The following MELK variants were observed in gnomAD, a reference collection of about 807,000 sequenced individuals.
MELK encodes the protein maternal embryonic leucine zipper kinase.
In MELK, 81 loss-of-function variants were observed where a neutral mutation model predicts 85.0. The observed-to-expected ratio is 0.95, with a 90% CI of 0.80 to 1.15. MELK has a LOEUF of 1.15. Among genes scored for constraint, MELK ranks in the 50% most tolerant of loss-of-function variants. The pLI is 0.00. For synonymous variants in MELK, 252 were observed against 265.0 expected (o/e 0.95, Z 0.48); for missense variants, 754 against 777.5 (o/e 0.97, Z 0.36).
intron 14 of MELK, among the ~76,000 whole-genome samples, chr9:36,666,301 G>T (rs7022049): frequency 6.6e-6 from 1 of 152,100 alleles, no homozygotes; most frequent in East Asian, 1.9e-4. Flanking sequence ...TTCTAGACTA[G>T]GTCTCACTAG....
chr9:36,595,092 A>C (rs1824055659), intron 5 of MELK, among the ~76,000 whole-genome samples: 2 of 149,712 alleles, frequency 1.3e-5, no homozygotes, highest in South Asian at 4.2e-4. Flanking sequence ...ATGTCCGGCT[A>C]ATTTTTTTAT....
intron 11 of MELK, 56 bp downstream of exon 11, chr9:36,643,139 T>C (rs1404061025): frequency 1.4e-6 from 2 of 1,441,944 alleles, no homozygotes; most frequent in African/African-American, 1.4e-5. Flanking sequence ...TCCAAACACT[T>C]TGGGAGGCCG....
chr9:36,631,725 C>T (rs1310176298), intron 9 of MELK, among the ~76,000 whole-genome samples: 1 of 152,162 alleles, frequency 6.6e-6, no homozygotes, highest in African/African-American at 2.4e-5. Flanking sequence ...CTGGTATACA[C>T]CACCACACCT....
chr9:36,573,112 T>C (rs1349107735), intron 1 of MELK, 105 bp downstream of exon 1: 1 of 152,246 alleles, frequency 6.6e-6, no homozygotes, highest in Admixed American at 6.5e-5. Flanking sequence ...CTCGGGAGAC[T>C]GGAGGATTTC....
chr9:36,662,424 A>G (rs1831943929), intron 13 of MELK, among the ~76,000 whole-genome samples: 1 of 151,950 alleles, frequency 6.6e-6, no homozygotes, highest in South Asian at 2.1e-4. Flanking sequence ...TTGTATTTTT[A>G]GTAGAGACAG....
At chr9:36,616,458 C>T (rs909048445) in intron 8 of MELK, among the ~76,000 whole-genome samples, 7 of 143,902 alleles carry the variant, frequency 4.9e-5, no homozygotes, top group South Asian at 2.2e-4. Flanking sequence ...AGTGTGATCT[C>T]GGCTCACTGC....
At chr9:36,660,030 C>T (rs2137598276) in intron 13 of MELK, among the ~76,000 whole-genome samples, 1 of 152,210 alleles carries the variant, frequency 6.6e-6, no homozygotes, top group East Asian at 1.9e-4. Flanking sequence ...AACTGCTGAC[C>T]TCAAGTGATC....
chr9:36,619,182 C>T (rs1324521125), intron 8 of MELK, among the ~76,000 whole-genome samples: 1 of 152,158 alleles, frequency 6.6e-6, no homozygotes, highest in African/African-American at 2.4e-5. Flanking sequence ...TGGTCTTGAA[C>T]TCCTGACCTC....
chr9:36,590,847 G>A (rs915766537), intron 4 of MELK, among the ~76,000 whole-genome samples: 4 of 151,746 alleles, frequency 2.6e-5, no homozygotes, highest in Non-Finnish European at 4.4e-5. Context: ...AGGCTGAGGC[G>A]GGAGGATCAT....
At chr9:36,603,960 G>GT (rs993440984) in intron 7 of MELK, among the ~76,000 whole-genome samples, 2 of 151,864 alleles carry the variant, frequency 1.3e-5, no homozygotes, top group African/African-American at 4.8e-5. Context: ...CTTCTTGTGT[G>GT]TTTTTTTGTT....
In MELK at chr9:36,619,974, A is replaced by G. The variant is rs140873741; in HGVS notation, c.667-10325A>G. Among the ~76,000 whole-genome samples the G allele has an allele frequency of 5.2e-3, 799 of 152,308 alleles. 4 individuals carry two copies. The highest frequency in any genetic ancestry group is 8.5e-3 in the Non-Finnish European group (580 of 68,030). ...CCTTTTGTCACAAAAGTAATACTTA[A>G]CATGCATGAGTTTTGTTACTTACCA... On this transcript the variant is annotated intron_variant, in intron 8 of 17. Transcript: ENST00000298048.
At chr9:36,581,600 C>A in intron 1 of MELK, 44 bp from the exon 2 acceptor site, 1 of 940,122 alleles carries the variant, frequency 1.1e-6, no homozygotes, top group Non-Finnish European at 1.7e-6. Flanking sequence ...AGGAGATGAT[C>A]CGGTATTATT....
chr9:36,606,280 A>G (rs1417892818), intron 7 of MELK, among the ~76,000 whole-genome samples: 2 of 148,496 alleles, frequency 1.3e-5, no homozygotes, highest in Non-Finnish European at 3.0e-5. Context: ...TAATATATAC[A>G]TATGTATAGG....
chr9:36,614,432 T>TG (rs541151685), intron 8 of MELK, among the ~76,000 whole-genome samples: 2 of 145,436 alleles, frequency 1.4e-5, no homozygotes, highest in East Asian at 2.0e-4. Context: ...TGGGTTTTTT[T>TG]TTTTTTTTTT....
chr9:36,605,531 T>C (rs1825395364), intron 7 of MELK, among the ~76,000 whole-genome samples: 1 of 151,956 alleles, frequency 6.6e-6, no homozygotes, highest in South Asian at 2.1e-4. Context: ...TTTAATACCA[T>C]GAATGAGTGT....
chr9:36,654,974 C>T (rs1218367987), intron 12 of MELK, among the ~76,000 whole-genome samples: 4 of 152,110 alleles, frequency 2.6e-5, no homozygotes, highest in Non-Finnish European at 4.4e-5. Flanking sequence ...TCCCTTTTCT[C>T]TGGGGTGTTG....
intron 1 of MELK, among the ~76,000 whole-genome samples, chr9:36,578,772 G>C (rs563603962): frequency 6.6e-6 from 1 of 152,164 alleles, no homozygotes; most frequent in South Asian, 2.1e-4. Flanking sequence ...TTAGAGCTTG[G>C]CTTAAATGTT....
rs759333199 is a variant in MELK at position 36,594,642 on chromosome 9, A to G, written c.276A>G (p.Gly92=). The change falls in exon 5 of 18, where the codon GGA becomes GGG. Residue 92 remains glycine, a synonymous_variant. Coordinates refer to ENST00000298048, the MANE Select transcript of MELK (RefSeq NM_014791.4). The part of the protein sequence containing the change: ...IFMVLEYCPG[G]ELFDYIISQD... The stretch of plus-strand genomic sequence containing the variant: ...TGCTGTTGAAGTACTGCCCTGGAGG[A>G]GAGCTGTTTGACTATATAATTTCCC... 1.2e-6 allele frequency: 2 copies of G among 1,613,784 alleles called. No individual in the cohort carries two copies. Among genetic ancestry groups the G allele is most frequent in the Non-Finnish European group, 1.7e-6 (2 of 1,179,946 alleles).
chr9:36,586,079 A>G (rs1822868510), intron 3 of MELK, among the ~76,000 whole-genome samples: 1 of 152,110 alleles, frequency 6.6e-6, no homozygotes. Context: ...TGTGGCTCAC[A>G]CCTGTAATCC....
Sources: allele counts gnomAD v4.1 joint callset (sites outside exome capture counted in the v4.1 genomes callset), GRCh38; gene constraint gnomAD v4.1.1; transcripts MANE v1.5; gene names NCBI Gene and HGNC (gene_info 2026-07-23, HGNC 2026-07-21).